LRRC20: variants seen among roughly 807,000 people sequenced by gnomAD.
The protein encoded by LRRC20 is leucine-rich repeat-containing protein 20.
LRRC20 carries 11 observed loss-of-function variants against 14.4 expected under a neutral mutation model. The ratio of observed to expected loss-of-function variants is 0.77; its 90% confidence interval spans 0.48 to 1.27. The LOEUF (loss-of-function observed/expected upper bound fraction) is 1.27. LRRC20 is among the 50% of genes most tolerant of loss of function. The pLI, the probability that LRRC20 is intolerant of heterozygous loss-of-function variation, is 0.00. For synonymous variants in LRRC20, 121 were observed against 107.3 expected (o/e 1.13, Z -0.79); for missense variants, 219 against 251.2 (o/e 0.87, Z 0.87).
At chr10:70,314,812 A>G (rs909377070) in intron 4 of LRRC20, among the ~76,000 whole-genome samples, 1 of 152,120 alleles carries the variant, frequency 6.6e-6, no homozygotes, top group African/African-American at 2.4e-5. Flanking sequence ...CTGACTGCCT[A>G]CCTGGCCTAG....
At chr10:70,319,191 G>C (rs866020069) in intron 4 of LRRC20, among the ~76,000 whole-genome samples, 3 of 135,920 alleles carry the variant, frequency 2.2e-5, no homozygotes, top group African/African-American at 5.6e-5. Context: ...AAAAAAAAAA[G>C]AAAGAAACAG....
In LRRC20 at chr10:70,346,560, G is replaced by A. The variant is rs190554074; in HGVS notation, c.83-5858C>T. 5.3e-5 allele frequency among the ~76,000 whole-genome samples: 8 copies of A among 152,262 alleles called. No homozygotes were observed. In the South Asian group the frequency reaches 1.2e-3, roughly 24 times the overall value. The stretch of plus-strand genomic sequence containing the variant: ...TAAATAGTATTATCAACCCAGGTGT[G>A]TTGATTGTTTCTCTTGTTGAATCAT... On this transcript the variant is annotated intron_variant, in intron 2 of 4. Transcript: ENST00000446961.
At chr10:70,343,346 G>C (rs1435257433) in intron 2 of LRRC20, among the ~76,000 whole-genome samples, 1 of 152,206 alleles carries the variant, frequency 6.6e-6, no homozygotes, top group East Asian at 1.9e-4. Flanking sequence ...GTGGTTTTGG[G>C]GGGGAAAAGG....
intron 2 of LRRC20, among the ~76,000 whole-genome samples, chr10:70,353,017 A>G (rs1032754455): frequency 7.9e-5 from 12 of 152,118 alleles, no homozygotes; most frequent in African/African-American, 2.7e-4. Context: ...CCGTGAGAGG[A>G]GCAGGACCAA....
At chr10:70,380,593 G>A (rs1844666114) in intron 1 of LRRC20, among the ~76,000 whole-genome samples, 1 of 152,210 alleles carries the variant, frequency 6.6e-6, no homozygotes, top group Admixed American at 6.5e-5. Flanking sequence ...TGGCACTACT[G>A]GCCCCAGCCA....
At chr10:70,365,762 A>G (rs1328856914) in intron 2 of LRRC20, among the ~76,000 whole-genome samples, 1 of 152,172 alleles carries the variant, frequency 6.6e-6, no homozygotes. Context: ...AGATTCGAAT[A>G]GAGATTTAAT....
At chr10:70,360,673 G>T (rs1420623845) in intron 2 of LRRC20, among the ~76,000 whole-genome samples, 1 of 151,976 alleles carries the variant, frequency 6.6e-6, no homozygotes, top group Admixed American at 6.6e-5. Context: ...GAACTCCGGG[G>T]TTCAAGTGAT....
intron 2 of LRRC20, among the ~76,000 whole-genome samples, chr10:70,374,628 G>A (rs1320405342): frequency 6.6e-6 from 1 of 152,092 alleles, no homozygotes. Flanking sequence ...ACAGGCATGA[G>A]CCACCATGCC....
intron 3 of LRRC20, among the ~76,000 whole-genome samples, chr10:70,330,224 A>T (rs1203461499): frequency 6.6e-6 from 1 of 151,838 alleles, no homozygotes; most frequent in African/African-American, 2.4e-5. Flanking sequence ...CTCCAATGCA[A>T]TCACCTGGGC....
At chr10:70,306,719 C>T (rs1249642858) in intron 4 of LRRC20, among the ~76,000 whole-genome samples, 4 of 152,120 alleles carry the variant, frequency 2.6e-5, no homozygotes, top group Non-Finnish European at 4.4e-5. Flanking sequence ...ATCTTAAGAG[C>T]GTGCAAATAT....
At chr10:70,347,171 G>A (rs2137044018) in intron 2 of LRRC20, among the ~76,000 whole-genome samples, 1 of 149,070 alleles carries the variant, frequency 6.7e-6, no homozygotes, top group Non-Finnish European at 1.5e-5. Flanking sequence ...ACTTTTATTG[G>A]AAAAAATAAC....
chr10:70,327,125 G>A (rs1842358241), intron 3 of LRRC20, among the ~76,000 whole-genome samples: 1 of 152,346 alleles, frequency 6.6e-6, no homozygotes, highest in Non-Finnish European at 1.5e-5. Context: ...GGTCATGGCC[G>A]ATGCGGCCGT....
At chr10:70,361,318 T>A (rs1843713439) in intron 2 of LRRC20, among the ~76,000 whole-genome samples, 1 of 152,224 alleles carries the variant, frequency 6.6e-6, no homozygotes, top group Admixed American at 6.5e-5. Flanking sequence ...GAGGATATGA[T>A]GGTGAGCAAG....
At position 70,301,245 on chromosome 10, in the gene LRRC20, G is replaced by GCCCCCCCCCCCCC; in HGVS notation, c.*108_*109insGGGGGGGGGGGGG. ...CACCCCACCCACCACGTGCTGCTCG[G>GCCCCCCCCCCCCC]CCCACCCGCCCCCAGCCCCCAGGCT... On this transcript the variant is annotated 3_prime_UTR_variant, in exon 5 of 5. Coordinates refer to ENST00000446961, the MANE Select transcript of LRRC20 (RefSeq NM_001278212.2). 2.7e-6 allele frequency: 4 copies of GCCCCCCCCCCCCC among 1,465,168 alleles called. No individual in the cohort carries two copies. The highest frequency in any genetic ancestry group is 1.8e-6 in the Non-Finnish European group (2 of 1,112,524). 90.8% of individuals were successfully genotyped at this position (1,465,168 alleles called of 1,614,324 possible).
intron 3 of LRRC20, among the ~76,000 whole-genome samples, chr10:70,329,859 C>T (rs560058032): frequency 2.6e-5 from 4 of 152,194 alleles, no homozygotes; most frequent in African/African-American, 9.7e-5. Flanking sequence ...GCCACCTCGC[C>T]CAGCCTAGCC....
chr10:70,311,765 A>G (rs1841676741), intron 4 of LRRC20, among the ~76,000 whole-genome samples: 1 of 152,292 alleles, frequency 6.6e-6, no homozygotes, highest in South Asian at 2.1e-4. Context: ...TGGCAAGGCA[A>G]AAACCTCAAG....
chr10:70,358,152 G>A (rs925818193), intron 2 of LRRC20, among the ~76,000 whole-genome samples: 12 of 152,176 alleles, frequency 7.9e-5, no homozygotes, highest in African/African-American at 2.9e-4. Flanking sequence ...CAGTGTCTTT[G>A]GGCAAGTCAC....
intron 2 of LRRC20, among the ~76,000 whole-genome samples, chr10:70,346,957 C>A (rs1843095367): frequency 6.6e-6 from 1 of 152,184 alleles, no homozygotes; most frequent in Non-Finnish European, 1.5e-5. Flanking sequence ...GTGATCTCGG[C>A]TCACTGCTAC....
At chr10:70,366,773 A>G (rs1304581904) in intron 2 of LRRC20, among the ~76,000 whole-genome samples, 1 of 152,238 alleles carries the variant, frequency 6.6e-6, no homozygotes, top group African/African-American at 2.4e-5. Context: ...TAAATAAATA[A>G]TACAAATTTT....
Sources: allele counts gnomAD v4.1 joint callset (sites outside exome capture counted in the v4.1 genomes callset), GRCh38; gene constraint gnomAD v4.1.1; transcripts MANE v1.5; gene names NCBI Gene and HGNC (gene_info 2026-07-23, HGNC 2026-07-21).